GNB1L: variants seen among roughly 807,000 people sequenced by gnomAD.
GNB1L encodes the protein guanine nucleotide-binding protein subunit beta-like protein 1.
In GNB1L, 20 loss-of-function variants were observed where a neutral mutation model predicts 29.1. The ratio of observed to expected loss-of-function variants is 0.69; its 90% confidence interval spans 0.48 to 1.00. The LOEUF (loss-of-function observed/expected upper bound fraction) is 1.00. Ranked by LOEUF, GNB1L falls within the 50% of genes least tolerant of loss-of-function variation. The pLI is 0.00. For synonymous variants in GNB1L, 193 were observed against 206.5 expected, an observed-to-expected ratio of 0.93 and a Z score of 0.56; for missense variants, 421 against 464.9, an observed-to-expected ratio of 0.91 and a Z score of 0.87.
rs746246670 is a variant in GNB1L, at chr22:19,788,899, C to T, written c.794G>A (p.Arg265His). ...GIAEVTIRPD[R>H]KILATAGWDH... ...CCAGCCTGCGGTGGCCAGGATCTTG[C>T]GATCTGGCCGGATCGTGACCTCGGC... The change falls in exon 8 of 8, where the codon CGC becomes CAC. Residue 265 changes from arginine (R) to histidine (H), a missense_variant. By Grantham distance (29) the Arg-to-His change is conservative. Transcript: ENST00000329517. 5.7e-5 allele frequency: 92 copies of T among 1,612,454 alleles called. No individual in the cohort carries two copies. In the South Asian group the frequency reaches 8.6e-4, roughly 15 times the overall value.
Position 19,788,565 on chromosome 22 carries a change from C to A in GNB1L, c.*144G>T. On this transcript the variant is annotated 3_prime_UTR_variant, in exon 8 of 8. Coordinates refer to ENST00000329517, the MANE Select transcript of GNB1L (RefSeq NM_053004.3). Reference sequence around the variant, plus strand: ...GGCACTCCACAAAAGGAAATACCAACCTCATGAAGACAGCGGGGACTCCAT... The same window carrying A: ...GGCACTCCACAAAAGGAAATACCAAACTCATGAAGACAGCGGGGACTCCAT... 1.9e-6 allele frequency: 2 copies of A among 1,056,456 alleles called. No homozygotes were observed. The highest frequency in any genetic ancestry group is 3.0e-6 in the Non-Finnish European group (2 of 672,638). 65.4% of individuals were successfully genotyped at this position (1,056,456 alleles called of 1,614,324 possible).
At position 19,788,858 on chromosome 22, in the gene GNB1L, C is replaced by G. The variant is rs1172540521; in HGVS notation, c.835G>C (p.Val279Leu). The G allele has an allele frequency of 6.2e-7, 1 of 1,612,866 alleles. No homozygotes were observed. Among genetic ancestry groups the G allele is most frequent in the South Asian group, 1.1e-5 (1 of 91,066 alleles). Reference sequence around the variant, plus strand: ...GGCTGCATCGTCCGCCAGTGGAACACGCGGATGCGGTGGTCCCAGCCTGCG... The same window carrying G: ...GGCTGCATCGTCCGCCAGTGGAACAGGCGGATGCGGTGGTCCCAGCCTGCG... Reference protein sequence around the residue: ...ATAGWDHRIRVFHWRTMQPLA... With the variant: ...ATAGWDHRIRLFHWRTMQPLA... Residue 279 changes from valine (V) to leucine (L), a missense_variant, in exon 8 of 8, where the codon GTG becomes CTG. Val to Leu is a conservative substitution (Grantham distance 32). Transcript: ENST00000329517.
intron 2 of GNB1L, among the ~76,000 whole-genome samples, chr22:19,838,212 TCCA>T (rs1937798154): frequency 6.6e-6 from 1 of 152,128 alleles, no homozygotes; most frequent in South Asian, 2.1e-4. Context: ...GGCCAAACAC[TCCA>T]CCTAAAAAGA....
intron 2 of GNB1L, chr22:19,849,676 A>G: frequency 1.0e-6 from 1 of 985,024 alleles, no homozygotes; most frequent in Non-Finnish European, 1.2e-6. Context: ...CAGTTTCTGA[A>G]TAAGTTTAAT....
At chr22:19,836,622 A>G (rs542724109) in intron 2 of GNB1L, among the ~76,000 whole-genome samples, 4 of 152,354 alleles carry the variant, frequency 2.6e-5, no homozygotes, top group South Asian at 4.1e-4. Flanking sequence ...GAATATAGAC[A>G]TACAAATCCT....
At chr22:19,834,416 ATGAT>A in intron 2 of GNB1L, among the ~76,000 whole-genome samples, 1 of 152,370 alleles carries the variant, frequency 6.6e-6, no homozygotes, top group East Asian at 1.9e-4. Context: ...TTCAAAAGAC[ATGAT>A]ACCAGAAAGA....
intron 2 of GNB1L, among the ~76,000 whole-genome samples, chr22:19,853,230 C>T (rs566830169): frequency 2.0e-5 from 3 of 151,704 alleles, no homozygotes; most frequent in Admixed American, 6.6e-5. Context: ...TCCCAGCCCC[C>T]ACCATTGTAA....
intron 7 of GNB1L, among the ~76,000 whole-genome samples, chr22:19,797,409 A>T (rs1037386633): frequency 2.6e-5 from 4 of 152,072 alleles, no homozygotes; most frequent in Non-Finnish European, 5.9e-5. Context: ...CAGACTGAGG[A>T]TTTTAGTTGT....
intron 2 of GNB1L, among the ~76,000 whole-genome samples, chr22:19,826,724 T>C (rs1162384756): frequency 6.6e-6 from 1 of 152,178 alleles, no homozygotes; most frequent in African/African-American, 2.4e-5. Flanking sequence ...CATCTGGCTG[T>C]CACCACTTTC....
Position 19,847,804 on chromosome 22 carries a change from C to CAAAAAAAAAAAAA in GNB1L, c.-21+6626_-21+6638dup, listed in dbSNP as rs34331843. 777 of 611,450 alleles carry CAAAAAAAAAAAAA rather than the reference C, an allele frequency of 1.3e-3. 17 individuals carry two copies. The highest frequency in any genetic ancestry group is 2.7e-3 in the African/African-American group (96 of 35,766). 37.9% of individuals were successfully genotyped at this position (611,450 alleles called of 1,614,324 possible). A position where few individuals can be genotyped will look rare whatever the true frequency, so the allele number is the denominator to read the frequency against. On this transcript the variant is annotated intron_variant, in intron 2 of 7. Coordinates refer to ENST00000329517, the MANE Select transcript of GNB1L (RefSeq NM_053004.3). ...ACTTTTAAAATCCTGGAATCATAGG[C>CAAAAAAAAAAAAA]AAAAAAAAAAAAAAAAAAAAATTCA...
intron 4 of GNB1L, among the ~76,000 whole-genome samples, chr22:19,814,865 T>G (rs1937518915): frequency 6.6e-6 from 1 of 151,964 alleles, no homozygotes; most frequent in Admixed American, 6.6e-5. Context: ...AGACTCCATC[T>G]CTACAAAAAA....
intron 2 of GNB1L, among the ~76,000 whole-genome samples, chr22:19,854,035 T>C (rs1385507926): frequency 6.6e-6 from 1 of 152,190 alleles, no homozygotes. Flanking sequence ...AAGGCTTCCC[T>C]GCACCAGCCA....
At chr22:19,812,946 C>A (rs180801194) in intron 4 of GNB1L, among the ~76,000 whole-genome samples, 4 of 152,296 alleles carry the variant, frequency 2.6e-5, no homozygotes, top group Admixed American at 2.0e-4. Context: ...GAATTAGTTT[C>A]TCAGAGGGGT....
At chr22:19,830,078 T>C (rs996686534) in intron 2 of GNB1L, among the ~76,000 whole-genome samples, 9 of 152,186 alleles carry the variant, frequency 5.9e-5, no homozygotes, top group African/African-American at 2.2e-4. Flanking sequence ...TACACGCCTG[T>C]AGTCCCAGCT....
chr22:19,832,703 T>C (rs1053947075), intron 2 of GNB1L, among the ~76,000 whole-genome samples: 2 of 152,170 alleles, frequency 1.3e-5, no homozygotes, highest in Admixed American at 1.3e-4. Flanking sequence ...GAAGCTTGTC[T>C]TTCTGATCAG....
At chr22:19,844,259 A>G (rs569638668) in intron 2 of GNB1L, among the ~76,000 whole-genome samples, 1 of 152,338 alleles carries the variant, frequency 6.6e-6, no homozygotes, top group Non-Finnish European at 1.5e-5. Flanking sequence ...AGCAGAGACA[A>G]GCAAGTTCCT....
intron 7 of GNB1L, chr22:19,792,259 C>CA: frequency 3.1e-6 from 2 of 643,682 alleles, no homozygotes; most frequent in Non-Finnish European, 5.5e-6. Flanking sequence ...TAACTATGTT[C>CA]AAAAAATGAA....
chr22:19,812,195 T>G, intron 5 of GNB1L, 90 bp downstream of exon 5: 2 of 1,370,768 alleles, frequency 1.5e-6, no homozygotes, highest in Non-Finnish European at 2.0e-6. Context: ...CATGGAGTCC[T>G]GTGGGTAGGC....
At chr22:19,822,199 C>G (rs1937585105) in intron 2 of GNB1L, among the ~76,000 whole-genome samples, 1 of 152,232 alleles carries the variant, frequency 6.6e-6, no homozygotes, top group African/African-American at 2.4e-5. Flanking sequence ...CACTGAGCTG[C>G]ACCAGGCCCC....
Sources: gnomAD v4.1 joint callset for allele counts (sites outside exome capture counted in the v4.1 genomes callset) on GRCh38, gnomAD v4.1.1 for gene constraint, MANE v1.5 for transcripts, NCBI Gene and HGNC (gene_info 2026-07-23, HGNC 2026-07-21) for gene names.